Variants in PRKN observed in about 807,000 individuals in gnomAD.
The protein encoded by PRKN is E3 ubiquitin-protein ligase parkin.
PRKN carries 56 observed loss-of-function variants against 59.5 expected under a neutral mutation model. That is an observed-to-expected ratio of 0.94 (90% confidence interval 0.76 to 1.18). The LOEUF (loss-of-function observed/expected upper bound fraction) is 1.18. Ranked by LOEUF, PRKN falls within the 50% of genes most tolerant of loss-of-function variation. The probability of loss-of-function intolerance (pLI) is 0.00; values close to 1 mark genes in which losing one functional copy is unlikely to be tolerated. For synonymous variants in PRKN, 250 were observed against 222.1 expected, an observed-to-expected ratio of 1.13 and a Z score of -1.12; for missense variants, 657 against 596.4, an observed-to-expected ratio of 1.10 and a Z score of -1.06.
rs188770856 is a variant in PRKN, at chr6:162,475,963, G to A, written c.8-32490C>T. 2.2e-3 allele frequency among the ~76,000 whole-genome samples: 301 copies of A among 135,894 alleles called. 1 individual carries two copies. Among genetic ancestry groups the A allele is most frequent in the Admixed American group, 4.0e-3 (54 of 13,356 alleles). The allele number at this position is 135,894 out of a possible 152,430, so 89.2% of individuals were successfully genotyped here. ...GACAGGGTTTCACCATGTTGGACAG[G>A]ATGGTCTTGTTCTCACCTCGTGAGC... On this transcript the variant is annotated intron_variant, in intron 1 of 11. Transcript: ENST00000366898.
chr6:161,899,366 C>T (rs1169072823), intron 6 of PRKN, among the ~76,000 whole-genome samples: 2 of 152,132 alleles, frequency 1.3e-5, no homozygotes, highest in Non-Finnish European at 2.9e-5. Context: ...AGCCTTTCCC[C>T]CCTTATTAAA....
chr6:161,414,057 C>T lies in PRKN; in HGVS notation c.1084-27180G>A, dbSNP rs1483468784. 2.0e-5 allele frequency among the ~76,000 whole-genome samples: 3 copies of T among 152,042 alleles called. No individual in the cohort carries two copies. Among genetic ancestry groups the T allele is most frequent in the East Asian group, 1.9e-4 (1 of 5,180 alleles). On this transcript the variant is annotated intron_variant, in intron 9 of 11. Transcript: ENST00000366898. This position sits in a 1 kb window ranked among gnomAD's most constrained non-coding sequence, Gnocchi z 5.3. ...TCCTCGACAGCACTGTGTCCTGGGC[C>T]GAGGTGGGGAGGGTCAGTGAGGGCA...
intron 7 of PRKN, among the ~76,000 whole-genome samples, chr6:161,738,206 C>T (rs536263023): frequency 6.6e-6 from 1 of 152,104 alleles, no homozygotes; most frequent in Non-Finnish European, 1.5e-5. Context: ...CAAAGCTTCA[C>T]CTATAAGAAT....
At chr6:161,985,114 C>T (rs1781388580) in intron 5 of PRKN, among the ~76,000 whole-genome samples, 1 of 152,200 alleles carries the variant, frequency 6.6e-6, no homozygotes, top group Non-Finnish European at 1.5e-5. Flanking sequence ...TCAACATAAT[C>T]GCAGTGACTT....
rs140972098 is a variant in PRKN, at chr6:162,668,754, C to T, written c.7+58908G>A. ...GTGGCCTCGATGAGTGGGTGTGGCACCTGGTCATGAGAAGTATCTAATAGG... is the reference window on the plus strand; with the variant it reads ...GTGGCCTCGATGAGTGGGTGTGGCATCTGGTCATGAGAAGTATCTAATAGG... On this transcript the variant is annotated intron_variant, in intron 1 of 11. Transcript: ENST00000366898. Among the ~76,000 whole-genome samples, 196 of 152,230 alleles carry T rather than the reference C, an allele frequency of 1.3e-3. 1 individual carries two copies. The highest frequency in any genetic ancestry group is 2.4e-3 in the Non-Finnish European group (161 of 68,018).
intron 1 of PRKN, among the ~76,000 whole-genome samples, chr6:162,500,926 G>A (rs1007856336): frequency 5.9e-5 from 9 of 152,106 alleles, no homozygotes; most frequent in Non-Finnish European, 2.9e-5. Flanking sequence ...AACACTTTGG[G>A]AGGCTGAGGC....
At chr6:161,914,512 T>C (rs1380081058) in intron 6 of PRKN, among the ~76,000 whole-genome samples, 1 of 152,088 alleles carries the variant, frequency 6.6e-6, no homozygotes, top group East Asian at 1.9e-4. Flanking sequence ...ACTACACCCA[T>C]CTGCACTGTT....
At chr6:161,614,652 T>G (rs1176494662) in intron 7 of PRKN, among the ~76,000 whole-genome samples, 10 of 152,244 alleles carry the variant, frequency 6.6e-5, no homozygotes, top group Admixed American at 6.5e-4. Flanking sequence ...TTGATATTGT[T>G]TCACATATAT....
chr6:161,785,849 T>C lies in PRKN; in HGVS notation c.794A>G (p.His265Arg), dbSNP rs752922983. 1.6e-5 allele frequency: 26 copies of C among 1,613,984 alleles called. No individual in the cohort carries two copies. In the Middle Eastern group the frequency reaches 4.9e-4, roughly 31 times the overall value. ...SRHVICLDCF[H>R]LYCVTRLNDR... ...ATTGAGTCTTGTCACACAGTATAAG[T>C]GGAAACAGTCTAAGCAAATCACGTG... The change falls in exon 7 of 12, where the codon CAC (histidine) becomes CGC (arginine). Residue 265 changes from histidine (H) to arginine (R), a missense_variant. Coordinates refer to ENST00000366898, the MANE Select transcript of PRKN (RefSeq NM_004562.3).
intron 6 of PRKN, among the ~76,000 whole-genome samples, chr6:161,918,847 T>A (rs1778674730): frequency 6.6e-6 from 1 of 152,208 alleles, no homozygotes; most frequent in Admixed American, 6.5e-5. Flanking sequence ...AGAACGTCTA[T>A]AATGAACAAG....
intron 6 of PRKN, among the ~76,000 whole-genome samples, chr6:161,948,539 A>G (rs1252747222): frequency 6.6e-6 from 1 of 152,180 alleles, no homozygotes; most frequent in African/African-American, 2.4e-5. Flanking sequence ...ATGAAAGAAG[A>G]GTAAAGAAGG....
rs548393064 is a variant in PRKN at position 161,847,717 on chromosome 6, A to G, written c.735-61809T>C. 7.2e-5 allele frequency among the ~76,000 whole-genome samples: 11 copies of G among 152,326 alleles called. No homozygotes were observed. In the East Asian group the frequency reaches 1.9e-3, roughly 27 times the overall value. On this transcript the variant is annotated intron_variant, in intron 6 of 11. Transcript: ENST00000366898. ...TTAGAAAAGTTAAAGAAGATTTTCA[A>G]AATTAATTGTTGACAAGACTCAGCA...
In PRKN at chr6:161,355,203, A is replaced by G. The variant is rs1784702151; in HGVS notation, c.1285+4885T>C. ...CTTTGCTCATGCAGTCCTGGGGCCTAGGACGCCTCCTCCTGCTCTTCCTTG... is the reference window on the plus strand; with the variant it reads ...CTTTGCTCATGCAGTCCTGGGGCCTGGGACGCCTCCTCCTGCTCTTCCTTG... On this transcript the variant is annotated intron_variant, in intron 11 of 11. Coordinates refer to ENST00000366898, the MANE Select transcript of PRKN (RefSeq NM_004562.3). This position sits in a 1 kb window ranked among gnomAD's most constrained non-coding sequence, Gnocchi z 6.8. 6.6e-6 allele frequency among the ~76,000 whole-genome samples: 1 copy of G among 152,224 alleles called. No individual in the cohort carries two copies. Among genetic ancestry groups the G allele is most frequent in the South Asian group, 2.1e-4 (1 of 4,836 alleles).
At chr6:162,326,815 T>C (rs1029056455) in intron 2 of PRKN, among the ~76,000 whole-genome samples, 3 of 152,226 alleles carry the variant, frequency 2.0e-5, no homozygotes, top group Non-Finnish European at 2.9e-5. Context: ...AATGAATCAA[T>C]GTACTGACTT....
chr6:161,482,996 C>T lies in PRKN; in HGVS notation c.1083+65858G>A, dbSNP rs575115190. 2.4e-4 allele frequency among the ~76,000 whole-genome samples: 37 copies of T among 152,200 alleles called. 1 individual carries two copies. The highest frequency in any genetic ancestry group is 4.9e-4 in the Non-Finnish European group (33 of 68,014). ...TCAGCATCTTCACTAAATTTAATCACGAAGTCTGGCAGTACAGAATTCTTC... is the reference window on the plus strand; with the variant it reads ...TCAGCATCTTCACTAAATTTAATCATGAAGTCTGGCAGTACAGAATTCTTC... On this transcript the variant is annotated intron_variant, in intron 9 of 11. Coordinates refer to ENST00000366898, the MANE Select transcript of PRKN (RefSeq NM_004562.3).
At chr6:161,974,469 C>T (rs1239517839) in intron 5 of PRKN, among the ~76,000 whole-genome samples, 2 of 152,140 alleles carry the variant, frequency 1.3e-5, no homozygotes, top group Non-Finnish European at 2.9e-5. Context: ...ACATAGGTCA[C>T]GTTCTTTTGA....
chr6:162,642,196 A>G (rs1291913079), intron 1 of PRKN, among the ~76,000 whole-genome samples: 1 of 152,188 alleles, frequency 6.6e-6, no homozygotes, highest in African/African-American at 2.4e-5. Flanking sequence ...ACAGCATTTT[A>G]GCAGACTAGC....
intron 6 of PRKN, among the ~76,000 whole-genome samples, chr6:161,869,520 T>C (rs1194933310): frequency 6.6e-6 from 1 of 152,200 alleles, no homozygotes; most frequent in Non-Finnish European, 1.5e-5. Context: ...TGATTATATT[T>C]TTTAGTATAA....
intron 4 of PRKN, among the ~76,000 whole-genome samples, chr6:162,161,653 A>C (rs1782764826): frequency 6.6e-6 from 1 of 152,128 alleles, no homozygotes; most frequent in African/African-American, 2.4e-5. Context: ...AAACTTGAAC[A>C]TGCTCACGGC....
Sources: gnomAD v4.1 joint callset for allele counts (sites outside exome capture counted in the v4.1 genomes callset) on GRCh38, gnomAD v4.1.1 for gene constraint, Gnocchi (gnomAD v3.1) non-coding constraint, MANE v1.5 for transcripts, NCBI Gene and HGNC (gene_info 2026-07-23, HGNC 2026-07-21) for gene names.